The following TRIO variants were observed in gnomAD, a reference collection of about 807,000 sequenced individuals.
The protein encoded by TRIO is trio Rho guanine nucleotide exchange factor, also known as triple functional domain protein.
In TRIO, 58 loss-of-function variants were observed where a neutral mutation model predicts 351.9. That is an observed-to-expected ratio of 0.16 (90% CI 0.13 to 0.21). The LOEUF is 0.21. Among genes scored for constraint, TRIO ranks in the 10% least tolerant of loss-of-function variants. The pLI is 1.00. For missense variants in TRIO, 3,201 were observed against 4,027.8 expected (o/e 0.79, Z 5.56); for synonymous variants, 1,758 against 1,595.7 (o/e 1.10, Z -2.42).
chr5:14,477,549 A>G (rs1280387969), intron 41 of TRIO, among the ~76,000 whole-genome samples: 1 of 152,234 alleles, frequency 6.6e-6, no homozygotes, highest in Admixed American at 6.5e-5. Context: ...TTAGAAAAGG[A>G]TGAGTATTTT....
chr5:14,184,034 T>C (rs1032284728), intron 1 of TRIO: 2 of 691,528 alleles, frequency 2.9e-6, no homozygotes, highest in African/African-American at 1.8e-5. Flanking sequence ...AGGGTTTCTC[T>C]AGGAGGACTG....
chr5:14,502,284 AAGC>A (rs1373338144), intron 53 of TRIO, among the ~76,000 whole-genome samples: 2 of 152,230 alleles, frequency 1.3e-5, no homozygotes, highest in Non-Finnish European at 2.9e-5. Context: ...ATAAAAGTAA[AAGC>A]AGTTTTTACT....
chr5:14,292,208 T>C (rs1424900216), intron 5 of TRIO, among the ~76,000 whole-genome samples: 2 of 152,258 alleles, frequency 1.3e-5, no homozygotes, highest in Non-Finnish European at 2.9e-5. Context: ...CAAAAGGTGA[T>C]AATCCAGTGT....
chr5:14,220,517 T>A (rs148836252), intron 1 of TRIO, among the ~76,000 whole-genome samples: 2 of 152,352 alleles, frequency 1.3e-5, no homozygotes, highest in African/African-American at 4.8e-5. Context: ...AGAAGGCATG[T>A]TGAAAGCTGA....
Position 14,359,548 on chromosome 5 carries a change from TG to T in TRIO, c.2391+19del. 1 of 1,609,830 alleles carries T rather than the reference TG, an allele frequency of 6.2e-7. No homozygotes were observed. Among genetic ancestry groups the T allele is most frequent in the Non-Finnish European group, 8.5e-7 (1 of 1,177,132 alleles). ...GCCATCGACGTGAGTGTCCCGCGGC[TG>T]GCGCCTGCCTGCCTGTGGGAGCCCT... On this transcript the variant is annotated intron_variant, in intron 13 of 56. Transcript: ENST00000344204.
chr5:14,359,271 C>G, intron 12 of TRIO, 86 bp from the exon 13 acceptor site: 2 of 1,504,840 alleles, frequency 1.3e-6, no homozygotes, highest in Non-Finnish European at 1.8e-6. Flanking sequence ...CAGCTTTCTT[C>G]CCCTGAAGAT....
chr5:14,507,112 G>A lies in TRIO; in HGVS notation c.8613-10G>A. 6.4e-7 allele frequency: 1 copy of A among 1,569,296 alleles called. No homozygotes were observed. Among genetic ancestry groups the A allele is most frequent in the Non-Finnish European group, 8.6e-7 (1 of 1,160,724 alleles). ...CGCATCATAACAGTCACCCGCTCCT[G>A]CCTCTTTAGGGCTGACCAGGGTCGC... is the stretch of plus-strand genomic sequence containing the variant. On this transcript the variant is annotated splice_polypyrimidine_tract_variant and intron_variant, in intron 55 of 56. Transcript: ENST00000344204.
intron 1 of TRIO, among the ~76,000 whole-genome samples, chr5:14,223,223 T>G (rs1373005530): frequency 6.6e-6 from 1 of 152,224 alleles, no homozygotes; most frequent in Non-Finnish European, 1.5e-5. Context: ...TGATTCTATC[T>G]TTTGGAAAAA....
At chr5:14,402,059 A>G (rs1362535839) in intron 31 of TRIO, among the ~76,000 whole-genome samples, 1 of 152,168 alleles carries the variant, frequency 6.6e-6, no homozygotes, top group African/African-American at 2.4e-5. Context: ...TTTGCAGTGA[A>G]TATGTGATTA....
rs183341792 is a variant in TRIO, at chr5:14,480,946, C to A, written c.6337-288C>A. Reference sequence around the variant, plus strand: ...AATAGCCACTACACTCCAGCCTGGACAACATAGTGAGAGCTTGTCTATTTA... The same window carrying A: ...AATAGCCACTACACTCCAGCCTGGAAAACATAGTGAGAGCTTGTCTATTTA... On this transcript the variant is annotated intron_variant, in intron 43 of 56. Coordinates refer to ENST00000344204, the MANE Select transcript of TRIO (RefSeq NM_007118.4). Among the ~76,000 whole-genome samples, 211 of 151,622 alleles carry A rather than the reference C, an allele frequency of 1.4e-3. 1 individual carries two copies. Among genetic ancestry groups the A allele is most frequent in the African/African-American group, 4.9e-3 (204 of 41,302 alleles).
intron 17 of TRIO, 90 bp downstream of exon 17, chr5:14,368,989 A>G: frequency 3.5e-6 from 5 of 1,441,626 alleles, no homozygotes; most frequent in South Asian, 1.4e-5. Flanking sequence ...TAACATGTTC[A>G]TCGTTATTGA....
chr5:14,272,337 G>GT (rs1290164682), intron 2 of TRIO, among the ~76,000 whole-genome samples: 1 of 152,152 alleles, frequency 6.6e-6, no homozygotes, highest in Non-Finnish European at 1.5e-5. Flanking sequence ...GTTTCTGAAC[G>GT]TTTTGTTCCA....
chr5:14,212,964 C>T (rs936919988), intron 1 of TRIO, among the ~76,000 whole-genome samples: 9 of 152,114 alleles, frequency 5.9e-5, no homozygotes, highest in East Asian at 1.9e-4. Context: ...GACTCATGGC[C>T]GGATCTGATT....
chr5:14,149,570 C>CGAG (rs1787706456), intron 1 of TRIO, among the ~76,000 whole-genome samples: 1 of 152,080 alleles, frequency 6.6e-6, no homozygotes, highest in Non-Finnish European at 1.5e-5. Flanking sequence ...AGTGAGGCTA[C>CGAG]GAGCGGGGGG....
chr5:14,364,592 T>G, intron 14 of TRIO, 58 bp from the exon 15 acceptor site: 1 of 1,547,288 alleles, frequency 6.5e-7, no homozygotes, highest in Non-Finnish European at 8.7e-7. Context: ...ATCCACCCTT[T>G]GAGAACAGAA....
intron 1 of TRIO, among the ~76,000 whole-genome samples, chr5:14,242,008 C>T (rs766052346): frequency 2.0e-4 from 30 of 152,140 alleles, no homozygotes; most frequent in African/African-American, 5.3e-4. Flanking sequence ...TGCCATGTGC[C>T]GGGCACTGGT....
chr5:14,307,323 T>C (rs780875612), intron 8 of TRIO, among the ~76,000 whole-genome samples: 3 of 152,224 alleles, frequency 2.0e-5, no homozygotes, highest in Non-Finnish European at 4.4e-5. Flanking sequence ...CTTTCTCTTC[T>C]GGTCTGGGGC....
chr5:14,224,664 G>A (rs1405803382), intron 1 of TRIO, among the ~76,000 whole-genome samples: 1 of 150,272 alleles, frequency 6.7e-6, no homozygotes, highest in Non-Finnish European at 1.5e-5. Context: ...AAGAGGCAAA[G>A]TGGAAGGACT....
At chr5:14,367,751 A>G (rs1309997117) in intron 16 of TRIO, among the ~76,000 whole-genome samples, 1 of 152,204 alleles carries the variant, frequency 6.6e-6, no homozygotes, top group Non-Finnish European at 1.5e-5. Context: ...GAAGAAAGCT[A>G]CAGAAGTTGC....
Sources: allele counts gnomAD v4.1 joint callset (sites outside exome capture counted in the v4.1 genomes callset), GRCh38; gene constraint gnomAD v4.1.1; transcripts MANE v1.5; gene names NCBI Gene and HGNC (gene_info 2026-07-23, HGNC 2026-07-21).